Variants in TMEM132D observed in about 807,000 individuals in gnomAD.
TMEM132D encodes transmembrane protein 132D.
A neutral mutation model predicts 62.3 loss-of-function variants in TMEM132D; 21 were observed. The ratio of observed to expected loss-of-function variants is 0.34; its 90% CI spans 0.24 to 0.49. The LOEUF (loss-of-function observed/expected upper bound fraction) is 0.49, where lower values mean the gene tolerates loss of function less well. Ranked by LOEUF, TMEM132D falls within the 20% of genes least tolerant of loss-of-function variation. The pLI is 0.99. For synonymous variants in TMEM132D, 621 were observed against 575.6 expected, an observed-to-expected ratio of 1.08 and a Z score of -1.13; for missense variants, 1,346 against 1,402.8, an observed-to-expected ratio of 0.96 and a Z score of 0.65.
At chr12:129,086,393 C>A (rs1874623439) in intron 5 of TMEM132D, among the ~76,000 whole-genome samples, 2 of 152,118 alleles carry the variant, frequency 1.3e-5, no homozygotes, top group Admixed American at 1.3e-4. Context: ...CCCTCAACCT[C>A]CCCCTAACCT....
intron 5 of TMEM132D, among the ~76,000 whole-genome samples, chr12:129,160,767 A>C (rs1877378921): frequency 6.6e-6 from 1 of 152,246 alleles, no homozygotes; most frequent in Non-Finnish European, 1.5e-5. Context: ...AGGTTACTAC[A>C]AAGAAAAAAG....
intron 3 of TMEM132D, among the ~76,000 whole-genome samples, chr12:129,347,170 C>G (rs1023369981): frequency 5.3e-5 from 8 of 152,154 alleles, no homozygotes; most frequent in Non-Finnish European, 1.2e-4. Flanking sequence ...CCCCATCAAG[C>G]TACCATTGAC....
intron 2 of TMEM132D, among the ~76,000 whole-genome samples, chr12:129,531,886 T>C (rs1253006529): frequency 3.9e-5 from 6 of 152,108 alleles, no homozygotes; most frequent in Non-Finnish European, 8.8e-5. Context: ...TGAAACCCCA[T>C]CTCAACTAAA....
At chr12:129,726,296 G>A (rs748416855) in intron 1 of TMEM132D, among the ~76,000 whole-genome samples, 2 of 152,150 alleles carry the variant, frequency 1.3e-5, no homozygotes, top group Non-Finnish European at 2.9e-5. Context: ...AGCTGAGGGT[G>A]GACTTGGGAC....
intron 6 of TMEM132D, among the ~76,000 whole-genome samples, chr12:129,083,447 G>GT (rs953636336): frequency 2.0e-5 from 3 of 152,190 alleles, no homozygotes; most frequent in Admixed American, 2.0e-4. Flanking sequence ...TTCCCCTACA[G>GT]TTTTTTCCCT....
intron 3 of TMEM132D, among the ~76,000 whole-genome samples, chr12:129,500,806 T>A (rs905697016): frequency 6.6e-6 from 1 of 152,178 alleles, no homozygotes; most frequent in Admixed American, 6.5e-5. Context: ...TTAATTGTAT[T>A]TGTGTTATTA....
intron 5 of TMEM132D, among the ~76,000 whole-genome samples, chr12:129,185,531 CTTTTA>C (rs948972346): frequency 5.3e-5 from 8 of 151,472 alleles, no homozygotes; most frequent in Non-Finnish European, 1.2e-4. Context: ...TTTTTCATCA[CTTTTA>C]TTTTATTATT....
intron 4 of TMEM132D, among the ~76,000 whole-genome samples, chr12:129,265,359 G>A (rs943714047): frequency 6.6e-6 from 1 of 152,196 alleles, no homozygotes; most frequent in Non-Finnish European, 1.5e-5. Context: ...GTGGTAGATG[G>A]GGGAGCCAAG....
At chr12:129,443,490 C>T (rs765571654) in intron 3 of TMEM132D, among the ~76,000 whole-genome samples, 16 of 152,250 alleles carry the variant, frequency 1.1e-4, no homozygotes, top group South Asian at 2.1e-4. Context: ...GGAACCGTGA[C>T]GCAAGGCTGT....
chr12:129,159,032 C>T (rs1877324400), intron 5 of TMEM132D, among the ~76,000 whole-genome samples: 1 of 152,210 alleles, frequency 6.6e-6, no homozygotes, highest in Admixed American at 6.5e-5. Flanking sequence ...TCACTTCCCA[C>T]TAGGTCCCTC....
At chr12:129,231,223 C>T (rs1879631135) in intron 4 of TMEM132D, among the ~76,000 whole-genome samples, 1 of 152,224 alleles carries the variant, frequency 6.6e-6, no homozygotes, top group South Asian at 2.1e-4. Flanking sequence ...CAAACGTGTC[C>T]TTGAACATAA....
chr12:129,770,779 A>G (rs1355183529), intron 1 of TMEM132D, among the ~76,000 whole-genome samples: 1 of 152,228 alleles, frequency 6.6e-6, no homozygotes. Context: ...AGTCTTGAAT[A>G]GCTCATGAAA....
intron 3 of TMEM132D, among the ~76,000 whole-genome samples, chr12:129,421,060 C>A (rs1271801280): frequency 1.3e-5 from 2 of 150,666 alleles, no homozygotes; most frequent in Admixed American, 1.3e-4. Flanking sequence ...CTCCCGGGTT[C>A]AAGAGATTCT....
intron 3 of TMEM132D, among the ~76,000 whole-genome samples, chr12:129,420,313 T>TTTG (rs1872271415): frequency 1.7e-5 from 1 of 57,598 alleles, no homozygotes; most frequent in African/African-American, 5.0e-5. Context: ...TCTGTTTTTT[T>TTTG]TTTTTTTTTT....
chr12:129,287,747 G>A (rs1211772995), intron 4 of TMEM132D, among the ~76,000 whole-genome samples: 2 of 145,144 alleles, frequency 1.4e-5, no homozygotes, highest in South Asian at 2.2e-4. Flanking sequence ...TGTTAAAAAA[G>A]GTTGATCTTT....
intron 2 of TMEM132D, among the ~76,000 whole-genome samples, chr12:129,535,461 GGATGTGTCAGCCTC>G: frequency 6.6e-6 from 1 of 152,284 alleles, no homozygotes; most frequent in East Asian, 1.9e-4. Context: ...CCAAATGATG[GGATGTGTCAGCCTC>G]CTAAAGTCTA....
intron 3 of TMEM132D, among the ~76,000 whole-genome samples, chr12:129,475,436 A>C (rs1035968137): frequency 6.6e-6 from 1 of 152,236 alleles, no homozygotes; most frequent in African/African-American, 2.4e-5. Context: ...TCCTCAATCT[A>C]TAAAAGATAG....
At chr12:129,351,252 T>C (rs1434898831) in intron 3 of TMEM132D, among the ~76,000 whole-genome samples, 2 of 152,066 alleles carry the variant, frequency 1.3e-5, no homozygotes, top group African/African-American at 4.8e-5. Flanking sequence ...TTGGACTCTC[T>C]CCCATCTAAC....
intron 4 of TMEM132D, among the ~76,000 whole-genome samples, chr12:129,250,862 C>A (rs547676652): frequency 6.6e-6 from 1 of 152,106 alleles, no homozygotes; most frequent in African/African-American, 2.4e-5. Flanking sequence ...TATTTCCATG[C>A]CCAGGATTTC....
Sources: gnomAD v4.1 joint callset for allele counts (sites outside exome capture counted in the v4.1 genomes callset) on GRCh38, gnomAD v4.1.1 for gene constraint, MANE v1.5 for transcripts, NCBI Gene and HGNC (gene_info 2026-07-23, HGNC 2026-07-21) for gene names.